GSE1: variants seen among roughly 807,000 people sequenced by gnomAD.
GSE1 encodes the protein genetic suppressor element 1.
Under a neutral mutation model 112.6 loss-of-function variants are expected in GSE1, and 32 were observed. The ratio of observed to expected loss-of-function variants is 0.28; its 90% confidence interval spans 0.21 to 0.38. GSE1 has a LOEUF of 0.38. GSE1 is among the 10% of genes least tolerant of loss of function. The pLI is 1.00. For missense variants in GSE1, 2,348 were observed against 1,699.2 expected (o/e 1.38, Z -6.71); for synonymous variants, 1,115 against 735.6 (o/e 1.52, Z -8.35).
intron 1 of GSE1, among the ~76,000 whole-genome samples, chr16:85,246,718 A>G (rs1322777838): frequency 6.6e-6 from 1 of 151,838 alleles, no homozygotes; most frequent in Non-Finnish European, 1.5e-5. Flanking sequence ...TGGACTAGAG[A>G]GGGCCTGGGG....
At chr16:85,214,268 C>G (rs949851231) in intron 1 of GSE1, among the ~76,000 whole-genome samples, 1 of 152,186 alleles carries the variant, frequency 6.6e-6, no homozygotes, top group African/African-American at 2.4e-5. Flanking sequence ...TTCTTGTCAC[C>G]CAGAACCTGT....
chr16:85,285,288 T>C (rs900161607), intron 1 of GSE1: 1 of 152,318 alleles, frequency 6.6e-6, no homozygotes, highest in Admixed American at 6.5e-5. Flanking sequence ...TGCTTGTCGA[T>C]GTAGCTGATT....
intron 1 of GSE1, among the ~76,000 whole-genome samples, chr16:85,194,290 G>A (rs1264702623): frequency 6.6e-6 from 1 of 152,170 alleles, no homozygotes; most frequent in African/African-American, 2.4e-5. Context: ...CTGGGATGCT[G>A]GTTCTTTCAT....
intron 1 of GSE1, among the ~76,000 whole-genome samples, chr16:85,319,497 C>T (rs999911489): frequency 9.9e-5 from 15 of 152,236 alleles, no homozygotes; most frequent in Admixed American, 1.3e-4. Context: ...TGGCGAGCGT[C>T]GGGCTGATGA....
chr16:85,652,351 C>T (rs988578336), intron 3 of GSE1, among the ~76,000 whole-genome samples: 5 of 152,242 alleles, frequency 3.3e-5, no homozygotes, highest in African/African-American at 1.2e-4. Context: ...ACCCCAAGGC[C>T]AGGCGCTGGC....
intron 2 of GSE1, among the ~76,000 whole-genome samples, chr16:85,549,096 T>C (rs555453550): frequency 6.6e-6 from 1 of 152,098 alleles, no homozygotes; most frequent in Non-Finnish European, 1.5e-5. Flanking sequence ...CTGGAGATTC[T>C]TAATTGCATC....
At chr16:85,426,190 G>T (rs1042646301) in intron 2 of GSE1, among the ~76,000 whole-genome samples, 1 of 91,316 alleles carries the variant, frequency 1.1e-5, no homozygotes. Flanking sequence ...ATAGTGGATA[G>T]ATGGATGGCT....
At chr16:85,338,095 C>T (rs1426027795) in intron 1 of GSE1, among the ~76,000 whole-genome samples, 2 of 152,230 alleles carry the variant, frequency 1.3e-5, no homozygotes, top group African/African-American at 4.8e-5. Context: ...GCTCGTCCTG[C>T]TCTTGCTGAC....
chr16:85,418,736 G>C (rs550287460), intron 2 of GSE1, among the ~76,000 whole-genome samples: 2 of 152,196 alleles, frequency 1.3e-5, no homozygotes, highest in South Asian at 4.1e-4. Flanking sequence ...TAGAAAAAGG[G>C]GGACAAGCCG....
At chr16:85,604,484 C>T (rs1041896531) in intron 1 of GSE1, among the ~76,000 whole-genome samples, 8 of 151,786 alleles carry the variant, frequency 5.3e-5, no homozygotes, top group East Asian at 2.0e-4. Context: ...CAAGGTTTTG[C>T]GTGGACGCGA....
intron 2 of GSE1, among the ~76,000 whole-genome samples, chr16:85,428,477 G>A (rs764191815): frequency 7.2e-5 from 11 of 152,248 alleles, no homozygotes; most frequent in East Asian, 3.9e-4. Context: ...AAAATGGGGC[G>A]ATAATCGCCC....
intron 1 of GSE1, among the ~76,000 whole-genome samples, chr16:85,266,491 C>T (rs1908262400): frequency 6.6e-6 from 1 of 152,134 alleles, no homozygotes; most frequent in African/African-American, 2.4e-5. Flanking sequence ...CCTGTTTCTT[C>T]CCAACTTTGA....
Position 85,656,419 on chromosome 16 carries a change from G to A in GSE1, c.1066G>A (p.Glu356Lys), listed in dbSNP as rs764801903. The change falls in exon 7 of 16, where the codon GAG becomes AAG. Residue 356 changes from glutamate (E) to lysine (K), a missense_variant. Glu to Lys is a moderately conservative substitution (Grantham distance 56, BLOSUM62 1). Coordinates refer to ENST00000253458, the MANE Select transcript of GSE1 (RefSeq NM_014615.5). Reference sequence around the variant, plus strand: ...CGAGCGTGAGCGTGAGGCTGACCGCGAGCGGGAGAAGGAACGTGAGCGCGA... The same window carrying A: ...CGAGCGTGAGCGTGAGGCTGACCGCAAGCGGGAGAAGGAACGTGAGCGCGA... ...EREREREADREREKERERERE... is the reference protein window; with the variant it reads ...EREREREADRKREKERERERE... 9 of 1,573,676 alleles carry A rather than the reference G, an allele frequency of 5.7e-6. No individual in the cohort carries two copies. Among genetic ancestry groups the A allele is most frequent in the Admixed American group, 1.8e-5 (1 of 56,072 alleles).
intron 1 of GSE1, among the ~76,000 whole-genome samples, chr16:85,316,226 G>A (rs2045983418): frequency 6.6e-6 from 1 of 152,220 alleles, no homozygotes; most frequent in African/African-American, 2.4e-5. Flanking sequence ...GGAAAAGCAG[G>A]TGAAATTTAT....
At chr16:85,444,039 C>T (rs1321224928) in intron 2 of GSE1, among the ~76,000 whole-genome samples, 2 of 121,784 alleles carry the variant, frequency 1.6e-5, no homozygotes, top group East Asian at 5.4e-4. Context: ...GGCTGGAGTA[C>T]AGTGGCGTGA....
intron 2 of GSE1, among the ~76,000 whole-genome samples, chr16:85,638,675 C>T (rs900093598): frequency 6.7e-6 from 1 of 149,292 alleles, no homozygotes; most frequent in Non-Finnish European, 1.5e-5. Context: ...CCCTGCCCCC[C>T]ACCCTAATGC....
intron 2 of GSE1, among the ~76,000 whole-genome samples, chr16:85,437,762 G>A (rs1297592316): frequency 6.6e-6 from 1 of 152,190 alleles, no homozygotes; most frequent in Non-Finnish European, 1.5e-5. Flanking sequence ...AGGGCTGGGG[G>A]ATCCAGGAGG....
At chr16:85,404,201 C>T (rs2048196188) in intron 2 of GSE1, among the ~76,000 whole-genome samples, 1 of 107,748 alleles carries the variant, frequency 9.3e-6, no homozygotes, top group South Asian at 3.8e-4. Context: ...TCAGGGCCCC[C>T]CTGGATAATC....
In GSE1 at chr16:85,649,496, C is replaced by CG. The variant is rs1342430466; in HGVS notation, c.426+749dup. On this transcript the variant is annotated intron_variant, in intron 3 of 15. Transcript: ENST00000253458. ...CAGCGGAGGCCCCTCCCCAAGTTTT[C>CG]GGGGCTCCTTATGTCTGTGGGCCCC... Among the ~76,000 whole-genome samples, 3 of 152,336 alleles carry CG rather than the reference C, an allele frequency of 2.0e-5. No homozygotes were observed. The East Asian group carries it at 5.8e-4, about 29-fold the overall frequency.
Sources: gnomAD v4.1 joint callset for allele counts (sites outside exome capture counted in the v4.1 genomes callset) on GRCh38, gnomAD v4.1.1 for gene constraint, MANE v1.5 for transcripts, NCBI Gene and HGNC (gene_info 2026-07-23, HGNC 2026-07-21) for gene names.